Variants in SPATA22 observed in about 807,000 individuals in gnomAD.
SPATA22 encodes the protein spermatogenesis associated 22.
Under a neutral mutation model 47.8 loss-of-function variants are expected in SPATA22, and 29 were observed. The ratio of observed to expected loss-of-function variants is 0.61; its 90% confidence interval spans 0.45 to 0.83. The LOEUF (loss-of-function observed/expected upper bound fraction) is 0.83, where lower values mean the gene tolerates loss of function less well. SPATA22 is among the 40% of genes least tolerant of loss of function. The pLI, the probability that SPATA22 is intolerant of heterozygous loss-of-function variation, is 0.00. For missense variants in SPATA22, 410 were observed against 421.7 expected, an observed-to-expected ratio of 0.97 and a Z score of 0.24; for synonymous variants, 133 against 140.9, an observed-to-expected ratio of 0.94 and a Z score of 0.40.
intron 1 of SPATA22, among the ~76,000 whole-genome samples, chr17:3,496,360 AAAT>A (rs780468971): frequency 4.6e-5 from 7 of 152,218 alleles, no homozygotes; most frequent in Non-Finnish European, 8.8e-5. Flanking sequence ...GAAATACACA[AAAT>A]AATATAGCAG....
intron 5 of SPATA22, among the ~76,000 whole-genome samples, chr17:3,457,078 C>A (rs1286957766): frequency 6.6e-6 from 1 of 152,068 alleles, no homozygotes; most frequent in Non-Finnish European, 1.5e-5. Context: ...TATGACAAAC[C>A]CACAGCCAAT....
chr17:3,475,979 T>C, upstream of SPATA22: 1 of 617,934 alleles, frequency 1.6e-6, no homozygotes, highest in East Asian at 2.8e-5. Context: ...AAGAAGGGAG[T>C]GTCCATAAAC....
upstream of SPATA22, chr17:3,476,144 A>G (rs756435668): frequency 1.9e-6 from 3 of 1,608,210 alleles, no homozygotes; most frequent in South Asian, 3.3e-5. Context: ...AAATCAGATA[A>G]AAACTACTTG....
chr17:3,510,202 A>T (rs1326561999), intron 1 of SPATA22, among the ~76,000 whole-genome samples: 1 of 152,212 alleles, frequency 6.6e-6, no homozygotes, highest in Non-Finnish European at 1.5e-5. Flanking sequence ...CACTGACATT[A>T]TGTGGCTGTG....
At chr17:3,471,844 C>T (rs1004139923), upstream of SPATA22, 1 of 985,436 alleles carries the variant, frequency 1.0e-6, no homozygotes, top group African/African-American at 1.7e-5. Context: ...CGCCGTGGAC[C>T]GCGCAGGCGC....
chr17:3,506,462 G>T (rs747404306), intron 1 of SPATA22, among the ~76,000 whole-genome samples: 1 of 152,068 alleles, frequency 6.6e-6, no homozygotes, highest in Non-Finnish European at 1.5e-5. Context: ...GATTAATGTA[G>T]TATAATTAAG....
At chr17:3,451,962 A>G (rs2072872557) in intron 5 of SPATA22, among the ~76,000 whole-genome samples, 2 of 151,632 alleles carry the variant, frequency 1.3e-5, no homozygotes, top group Non-Finnish European at 2.9e-5. Context: ...AAAAAAAAAA[A>G]AAGAAAACCA....
At chr17:3,464,857 C>T (rs1276571419) in intron 3 of SPATA22, among the ~76,000 whole-genome samples, 2 of 119,986 alleles carry the variant, frequency 1.7e-5, no homozygotes, top group Non-Finnish European at 3.9e-5. Flanking sequence ...GGAGCGTCTC[C>T]GCCCGGCAGC....
Position 3,489,234 on chromosome 17 carries a change from G to T in SPATA22, c.-73-19836C>A. The T allele has an allele frequency of 6.3e-7, 1 of 1,588,058 alleles. No homozygotes were observed. Among genetic ancestry groups the T allele is most frequent in the South Asian group, 1.1e-5 (1 of 90,344 alleles). On this transcript the variant is annotated intron_variant, in intron 1 of 8. Transcript: ENST00000541913. ...GTGACTATCTCTCCTTCTGTACCTA[G>T]GTATAGAAGTTGGTCCTCAGCCTCA...
chr17:3,454,628 C>A (rs1245715345), intron 5 of SPATA22, among the ~76,000 whole-genome samples: 2 of 151,992 alleles, frequency 1.3e-5, no homozygotes, highest in African/African-American at 4.8e-5. Context: ...AGGACATGAA[C>A]TCATCATTTT....
intron 1 of SPATA22, among the ~76,000 whole-genome samples, chr17:3,497,670 G>T (rs909174224): frequency 1.3e-5 from 2 of 152,136 alleles, no homozygotes; most frequent in African/African-American, 4.8e-5. Flanking sequence ...AGAAAACTGC[G>T]GTGATGCGGC....
chr17:3,446,268 T>C (rs2072723654), intron 7 of SPATA22, among the ~76,000 whole-genome samples: 1 of 152,102 alleles, frequency 6.6e-6, no homozygotes, highest in African/African-American at 2.4e-5. Context: ...TTAGGGTGCA[T>C]TATTCTGGTA....
intron 8 of SPATA22, chr17:3,441,893 T>C (rs2072606634): frequency 6.6e-6 from 1 of 151,974 alleles, no homozygotes; most frequent in Non-Finnish European, 1.5e-5. Flanking sequence ...AAATCACATA[T>C]TTAAAAAGAC....
At chr17:3,467,670 A>G (rs2073346822) in intron 2 of SPATA22, 116 bp from the exon 3 acceptor site, 3 of 697,928 alleles carry the variant, frequency 4.3e-6, no homozygotes, top group Non-Finnish European at 4.2e-6. Context: ...ATGCTAATAT[A>G]CTTATAGATT....
upstream of SPATA22, chr17:3,472,052 C>T (rs149507854): frequency 2.4e-4 from 43 of 180,758 alleles, no homozygotes; most frequent in East Asian, 7.5e-3. Context: ...CCTGCCCAAC[C>T]GGCCTCAGCC....
At chr17:3,461,100 A>G (rs1453877675) in intron 5 of SPATA22, among the ~76,000 whole-genome samples, 2 of 152,252 alleles carry the variant, frequency 1.3e-5, no homozygotes, top group African/African-American at 4.8e-5. Flanking sequence ...TGCTAGAAAC[A>G]ATACAGGATG....
Position 3,451,879 on chromosome 17 carries a change from G to A in SPATA22, c.330-2730C>T, listed in dbSNP as rs576141943. ...GAAGAATCACTTGAACCTGGGAGGCGGAGATTGCAGTGAGCCGAGATTGCA... is the reference window on the plus strand; with the variant it reads ...GAAGAATCACTTGAACCTGGGAGGCAGAGATTGCAGTGAGCCGAGATTGCA... On this transcript the variant is annotated intron_variant, in intron 5 of 8. Transcript: ENST00000572969. Among the ~76,000 whole-genome samples, 11 of 151,352 alleles carry A rather than the reference G, an allele frequency of 7.3e-5. No homozygotes were observed. In the South Asian group the frequency reaches 1.7e-3, roughly 23 times the overall value.
Position 3,456,602 on chromosome 17 carries a change from C to T in SPATA22, c.329+5881G>A, listed in dbSNP as rs990518821. On this transcript the variant is annotated intron_variant, in intron 5 of 8. Transcript: ENST00000572969. ...GTCCAGGACCAGATGGATTCACAGC[C>T]GAATTCTACCAGAGGTACAAGGAAG... 5.3e-5 allele frequency among the ~76,000 whole-genome samples: 8 copies of T among 152,188 alleles called. No homozygotes were observed. The South Asian group carries it at 6.2e-4, about 12-fold the overall frequency.
chr17:3,451,445 A>G (rs2072857912), intron 5 of SPATA22, among the ~76,000 whole-genome samples: 2 of 152,228 alleles, frequency 1.3e-5, no homozygotes, highest in South Asian at 4.1e-4. Context: ...GAACAACACT[A>G]TGGATCAAAT....
Sources: allele counts gnomAD v4.1 joint callset (sites outside exome capture counted in the v4.1 genomes callset), GRCh38; gene constraint gnomAD v4.1.1; transcripts MANE v1.5; gene names NCBI Gene and HGNC (gene_info 2026-07-23, HGNC 2026-07-21).